Variants in NCBP1 observed in about 807,000 individuals in gnomAD.
NCBP1 encodes nuclear cap-binding protein subunit 1.
A neutral mutation model predicts 111.7 loss-of-function variants in NCBP1; 16 were observed. The observed-to-expected ratio is 0.14, with a 90% CI of 0.10 to 0.22. The LOEUF (loss-of-function observed/expected upper bound fraction) is 0.22, where lower values mean the gene tolerates loss of function less well. Ranked by LOEUF, NCBP1 falls within the 10% of genes least tolerant of loss-of-function variation. The pLI is 1.00. For synonymous variants in NCBP1, 304 were observed against 314.3 expected (o/e 0.97, Z 0.35); for missense variants, 607 against 957.5 (o/e 0.63, Z 4.83).
rs1292200060 is a variant in NCBP1, at chr9:97,656,801, A to G, written c.1373+716A>G. ...CCATTATCCTTTAATGTTCCATTAC[A>G]TATCTTCCCAAAACAAAACCACTCT... On this transcript the variant is annotated intron_variant, in intron 14 of 22. Coordinates refer to ENST00000375147, the MANE Select transcript of NCBP1 (RefSeq NM_002486.5). 3.3e-5 allele frequency among the ~76,000 whole-genome samples: 5 copies of G among 152,216 alleles called. No homozygotes were observed. In the East Asian group the frequency reaches 9.7e-4, roughly 29 times the overall value.
In NCBP1 at chr9:97,671,788, G is replaced by A. The variant is rs371014501; in HGVS notation, c.*589G>A. Reference sequence around the variant, plus strand: ...AATAAAAGTGTTACTAGTTGGAAGAGTAGCTCTCAAATTTGTCTTAATGTA... The same window carrying A: ...AATAAAAGTGTTACTAGTTGGAAGAATAGCTCTCAAATTTGTCTTAATGTA... On this transcript the variant is annotated 3_prime_UTR_variant, in exon 23 of 23. Transcript: ENST00000375147. 1.3e-5 allele frequency: 2 copies of A among 152,184 alleles called. No individual in the cohort carries two copies. The highest frequency in any genetic ancestry group is 6.5e-5 in the Admixed American group (1 of 15,276). 9.4% of individuals were successfully genotyped at this position (152,184 alleles called of 1,614,324 possible). A position where few individuals can be genotyped will look rare whatever the true frequency, so the allele number is the denominator to read the frequency against.
At chr9:97,636,473 A>G (rs922691436) in intron 1 of NCBP1, among the ~76,000 whole-genome samples, 3 of 145,938 alleles carry the variant, frequency 2.1e-5, no homozygotes, top group African/African-American at 7.5e-5. Context: ...AATGTATTAT[A>G]TATATTTATA....
intron 10 of NCBP1, among the ~76,000 whole-genome samples, chr9:97,653,197 T>C (rs1827548608): frequency 6.7e-6 from 1 of 149,790 alleles, no homozygotes. Flanking sequence ...CTCAACTCAG[T>C]GCAACCTCCG....
At chr9:97,655,910 CA>C in intron 13 of NCBP1, 100 bp from the exon 14 acceptor site, 1 of 1,358,828 alleles carries the variant, frequency 7.4e-7, no homozygotes, top group African/African-American at 1.5e-5. Context: ...TATAACTTAA[CA>C]AAACTTGTAA....
intron 10 of NCBP1, among the ~76,000 whole-genome samples, chr9:97,652,603 G>C (rs536906794): frequency 6.6e-6 from 1 of 152,354 alleles, no homozygotes; most frequent in South Asian, 2.1e-4. Flanking sequence ...CTGGGTGACA[G>C]AGTGAGAGTC....
intron 22 of NCBP1, chr9:97,669,970 T>C (rs1049307224): frequency 4.3e-5 from 20 of 464,802 alleles, no homozygotes; most frequent in Middle Eastern, 6.1e-4. Context: ...TTGCCCAGGC[T>C]GGAGTTCAGT....
At chr9:97,658,278 T>A (rs565676155) in intron 14 of NCBP1, among the ~76,000 whole-genome samples, 1 of 152,346 alleles carries the variant, frequency 6.6e-6, no homozygotes, top group South Asian at 2.1e-4. Context: ...TGTAAACACC[T>A]TCTCAGGCAG....
intron 20 of NCBP1, 59 bp downstream of exon 20, chr9:97,666,936 G>T: frequency 8.3e-7 from 1 of 1,200,542 alleles, no homozygotes; most frequent in Non-Finnish European, 1.2e-6. Flanking sequence ...CTCTGGAGAG[G>T]ATTCAGAGTT....
At chr9:97,657,299 G>C (rs1827688883) in intron 14 of NCBP1, among the ~76,000 whole-genome samples, 1 of 152,154 alleles carries the variant, frequency 6.6e-6, no homozygotes, top group Non-Finnish European at 1.5e-5. Context: ...CATATATAGT[G>C]TTGAGTTGTC....
At chr9:97,656,209 T>G in intron 14 of NCBP1, 124 bp downstream of exon 14, 1 of 799,086 alleles carries the variant, frequency 1.3e-6, no homozygotes, top group South Asian at 1.8e-5. Context: ...ATCCCATTTT[T>G]AATCAAGACT....
intron 22 of NCBP1, chr9:97,670,123 A>G (rs1828142047): frequency 3.3e-6 from 1 of 303,598 alleles, no homozygotes; most frequent in Non-Finnish European, 6.5e-6. Context: ...GAGTTTCACC[A>G]TGTTGGCCAG....
At chr9:97,653,333 C>T (rs912575500) in intron 10 of NCBP1, among the ~76,000 whole-genome samples, 1 of 152,106 alleles carries the variant, frequency 6.6e-6, no homozygotes, top group Non-Finnish European at 1.5e-5. Context: ...GTTGGCCAGG[C>T]TGGTCTTGAA....
At chr9:97,664,982 G>A (rs991867189) in intron 19 of NCBP1, among the ~76,000 whole-genome samples, 14 of 152,148 alleles carry the variant, frequency 9.2e-5, no homozygotes, top group Non-Finnish European at 1.2e-4. Context: ...TCCCCCTAAC[G>A]GAAAGAAAGT....
intron 14 of NCBP1, among the ~76,000 whole-genome samples, chr9:97,657,259 C>T (rs1300227671): frequency 6.6e-6 from 1 of 152,196 alleles, no homozygotes; most frequent in Non-Finnish European, 1.5e-5. Flanking sequence ...AGCCACCGTG[C>T]CCAGCCTGGT....
intron 1 of NCBP1, among the ~76,000 whole-genome samples, chr9:97,636,930 A>G (rs1488003281): frequency 1.3e-5 from 2 of 152,178 alleles, no homozygotes; most frequent in Non-Finnish European, 2.9e-5. Context: ...CATTTGAACA[A>G]AGACTTGCCG....
intron 15 of NCBP1, among the ~76,000 whole-genome samples, chr9:97,660,033 AT>A (rs2131357569): frequency 6.6e-6 from 1 of 152,130 alleles, no homozygotes; most frequent in South Asian, 2.1e-4. Flanking sequence ...AGCTGTAAAT[AT>A]TTTTTAACCG....
chr9:97,668,282 C>T (rs1195517349), intron 20 of NCBP1, among the ~76,000 whole-genome samples: 2 of 152,066 alleles, frequency 1.3e-5, no homozygotes, highest in African/African-American at 4.8e-5. Context: ...TTTTCTTTTC[C>T]TTTAAAAAGA....
chr9:97,640,221 CTAA>C (rs1056563236), intron 1 of NCBP1, among the ~76,000 whole-genome samples: 32 of 152,220 alleles, frequency 2.1e-4, no homozygotes, highest in African/African-American at 7.2e-4. Flanking sequence ...GTGAGAAATC[CTAA>C]TGTTTTATGC....
At chr9:97,633,962 C>A (rs768128015) in intron 1 of NCBP1, 47 bp downstream of exon 1, 1 of 1,541,176 alleles carries the variant, frequency 6.5e-7, no homozygotes, top group South Asian at 1.2e-5. Context: ...GGTTGGGAGC[C>A]GAGGCTCGGC....
Sources: allele counts gnomAD v4.1 joint callset (sites outside exome capture counted in the v4.1 genomes callset), GRCh38; gene constraint gnomAD v4.1.1; transcripts MANE v1.5; gene names NCBI Gene and HGNC (gene_info 2026-07-23, HGNC 2026-07-21).